Variants in PRCP observed in about 807,000 individuals in gnomAD.
PRCP encodes the protein prolylcarboxypeptidase.
In PRCP, 46 loss-of-function variants were observed where a neutral mutation model predicts 54.2. The ratio of observed to expected loss-of-function variants is 0.85; its 90% CI spans 0.67 to 1.09. The LOEUF is 1.09. PRCP is among the 50% of genes least tolerant of loss of function. The probability of loss-of-function intolerance (pLI) is 0.00; values close to 1 mark genes in which losing one functional copy is unlikely to be tolerated. For synonymous variants in PRCP, 240 were observed against 212.2 expected (o/e 1.13, Z -1.14); for missense variants, 613 against 596.8 (o/e 1.03, Z -0.28).
intron 8 of PRCP, chr11:82,827,437 T>G (rs1858264473): frequency 6.6e-6 from 1 of 152,212 alleles, no homozygotes; most frequent in African/African-American, 2.4e-5. Context: ...GATTTTTTTG[T>G]TATAGTATGA....
intron 2 of PRCP, among the ~76,000 whole-genome samples, chr11:82,857,353 A>G (rs199836549): frequency 1.3e-5 from 2 of 152,236 alleles, no homozygotes; most frequent in East Asian, 3.8e-4. Context: ...CATTTTATAG[A>G]CAAGAACATT....
At chr11:82,846,605 C>T (rs925512502) in intron 6 of PRCP, among the ~76,000 whole-genome samples, 2 of 152,150 alleles carry the variant, frequency 1.3e-5, no homozygotes, top group East Asian at 3.9e-4. Context: ...TAAAGGGTGA[C>T]TGTGAGGGAA....
At chr11:82,877,320 T>C (rs1324511496) in intron 1 of PRCP, among the ~76,000 whole-genome samples, 3 of 152,156 alleles carry the variant, frequency 2.0e-5, no homozygotes, top group Non-Finnish European at 4.4e-5. Context: ...TGAGGAGAAA[T>C]TCAAACCAGC....
intron 1 of PRCP, among the ~76,000 whole-genome samples, chr11:82,876,883 T>A (rs796311116): frequency 9.2e-5 from 14 of 152,312 alleles, no homozygotes; most frequent in African/African-American, 3.4e-4. Flanking sequence ...TGGAACTGGA[T>A]AACAGGCAGA....
intron 1 of PRCP, among the ~76,000 whole-genome samples, chr11:82,870,217 G>T (rs1565230094): frequency 6.6e-6 from 1 of 152,338 alleles, no homozygotes; most frequent in East Asian, 1.9e-4. Context: ...CAGCATACTA[G>T]TGTTTGGTGA....
At chr11:82,839,194 T>A in intron 7 of PRCP, 67 bp downstream of exon 7, 1 of 1,436,018 alleles carries the variant, frequency 7.0e-7, no homozygotes, top group African/African-American at 1.4e-5. Context: ...TGTACCCTGA[T>A]TTTTTTTTAC....
intron 2 of PRCP, among the ~76,000 whole-genome samples, chr11:82,856,157 A>T (rs947615637): frequency 2.0e-5 from 3 of 152,196 alleles, no homozygotes; most frequent in African/African-American, 7.2e-5. Flanking sequence ...AAATAAAATT[A>T]AAAACTAAAT....
At position 82,850,424 on chromosome 11, in the gene PRCP, T is replaced by C; in HGVS notation, c.493A>G (p.Ile165Val). ...AELIKHLKRT[I>V]PGAENQPVIA... is the part of the protein sequence containing the mutation. ...ACAGGTTGATTTTCAGCTCCTGGGATTGTTCTTTTCAAGTGTTTGATTAAC... is the reference window on the plus strand; with the variant it reads ...ACAGGTTGATTTTCAGCTCCTGGGACTGTTCTTTTCAAGTGTTTGATTAAC... Residue 165 changes from isoleucine to valine, a missense_variant, in exon 4 of 9, where the codon ATC becomes GTC. By Grantham distance (29) the Ile-to-Val change is conservative. Transcript: ENST00000313010. 7 of 1,608,020 alleles carry C rather than the reference T, an allele frequency of 4.4e-6. No homozygotes were observed. The highest frequency in any genetic ancestry group is 5.9e-6 in the Non-Finnish European group (7 of 1,176,718).
chr11:82,838,957 T>C (rs922541691), intron 7 of PRCP, among the ~76,000 whole-genome samples: 5 of 152,218 alleles, frequency 3.3e-5, no homozygotes, highest in African/African-American at 1.2e-4. Flanking sequence ...CTTATCAAGA[T>C]CTATTGAAAT....
intron 1 of PRCP, among the ~76,000 whole-genome samples, chr11:82,872,771 T>G (rs566608194): frequency 6.6e-6 from 1 of 152,264 alleles, no homozygotes; most frequent in Admixed American, 6.5e-5. Context: ...CCTCCTAGTT[T>G]GTGATACTCT....
intron 1 of PRCP, among the ~76,000 whole-genome samples, chr11:82,862,683 A>G (rs756048438): frequency 2.5e-4 from 38 of 152,326 alleles, no homozygotes; most frequent in South Asian, 4.1e-4. Flanking sequence ...GATCATCACC[A>G]TATGTAGTCC....
chr11:82,824,886 T>C lies in PRCP; in HGVS notation c.*20A>G, dbSNP rs757821549. On this transcript the variant is annotated 3_prime_UTR_variant, in exon 9 of 9. Transcript: ENST00000313010. ...GTGGTGTGAACATAAAAGAAGAAAT[T>C]GAAAACAATCAAAAGTTTCTCAGTG... 1 of 1,601,506 alleles carries C rather than the reference T, an allele frequency of 6.2e-7. No homozygotes were observed. Among genetic ancestry groups the C allele is most frequent in the East Asian group, 2.2e-5 (1 of 44,672 alleles).
rs564206453 is a variant in PRCP at position 82,881,983 on chromosome 11, G to C, written c.168+18252C>G. 3.3e-5 allele frequency among the ~76,000 whole-genome samples: 5 copies of C among 152,256 alleles called. No individual in the cohort carries two copies. In the East Asian group the frequency reaches 9.6e-4, roughly 29 times the overall value. ...ATATTTTGTATATGTATTATATTCTGTACTCCTACAATAAAATAAGCTAGG... is the reference window on the plus strand; with the variant it reads ...ATATTTTGTATATGTATTATATTCTCTACTCCTACAATAAAATAAGCTAGG... On this transcript the variant is annotated intron_variant, in intron 1 of 8. Coordinates refer to ENST00000313010, the MANE Select transcript of PRCP (RefSeq NM_005040.4).
intron 6 of PRCP, among the ~76,000 whole-genome samples, chr11:82,844,867 C>A (rs1343103067): frequency 1.3e-5 from 2 of 150,986 alleles, no homozygotes; most frequent in Non-Finnish European, 3.0e-5. Flanking sequence ...AAAATAACAA[C>A]ACAAACAATG....
At chr11:82,858,886 A>G (rs1178016743) in intron 2 of PRCP, 1 of 152,212 alleles carries the variant, frequency 6.6e-6, no homozygotes, top group African/African-American at 2.4e-5. Flanking sequence ...TCTGGGAAGT[A>G]TTTTATTTCA....
chr11:82,862,114 T>C (rs1394009775), intron 1 of PRCP, among the ~76,000 whole-genome samples: 2 of 152,010 alleles, frequency 1.3e-5, no homozygotes, highest in Non-Finnish European at 2.9e-5. Flanking sequence ...AAATCTGAAA[T>C]GCTTCTGGTC....
chr11:82,829,058 A>G (rs1288230597), intron 8 of PRCP: 2 of 152,168 alleles, frequency 1.3e-5, no homozygotes, highest in Admixed American at 6.5e-5. Flanking sequence ...CCACTGCACA[A>G]CCCTGATCCA....
chr11:82,890,352 T>G (rs920308017), intron 1 of PRCP, among the ~76,000 whole-genome samples: 3 of 152,198 alleles, frequency 2.0e-5, no homozygotes, highest in African/African-American at 7.2e-5. Flanking sequence ...ACACAAGTTC[T>G]CACTACCATA....
At chr11:82,829,359 G>A (rs894421506) in intron 8 of PRCP, 46 of 152,208 alleles carry the variant, frequency 3.0e-4, no homozygotes, top group African/African-American at 9.7e-4. Flanking sequence ...CTCCACTCCA[G>A]CCACACTGAC....
Sources: allele counts gnomAD v4.1 joint callset (sites outside exome capture counted in the v4.1 genomes callset), GRCh38; gene constraint gnomAD v4.1.1; transcripts MANE v1.5; gene names NCBI Gene and HGNC (gene_info 2026-07-23, HGNC 2026-07-21).